The following KCNH8 variants were observed in gnomAD, a reference collection of about 807,000 sequenced individuals.
The protein encoded by KCNH8 is potassium voltage-gated channel subfamily H member 8.
KCNH8 carries 70 observed loss-of-function variants against 103.6 expected under a neutral mutation model. The ratio of observed to expected loss-of-function variants is 0.68; its 90% confidence interval spans 0.56 to 0.82. The LOEUF (loss-of-function observed/expected upper bound fraction) is 0.82, where lower values mean the gene tolerates loss of function less well. Ranked by LOEUF, KCNH8 falls within the 40% of genes least tolerant of loss-of-function variation. KCNH8 has a pLI of 0.00. For synonymous variants in KCNH8, 498 were observed against 489.4 expected, an observed-to-expected ratio of 1.02 and a Z score of -0.23; for missense variants, 1,217 against 1,329.9, an observed-to-expected ratio of 0.92 and a Z score of 1.32.
chr3:19,348,655 G>T (rs1310535331), intron 5 of KCNH8, among the ~76,000 whole-genome samples: 1 of 151,978 alleles, frequency 6.6e-6, no homozygotes, highest in Non-Finnish European at 1.5e-5. Flanking sequence ...CAGATTCCGG[G>T]TCTGTAAGTC....
chr3:19,375,378 T>G (rs1344786924), intron 5 of KCNH8, among the ~76,000 whole-genome samples: 1 of 151,056 alleles, frequency 6.6e-6, no homozygotes, highest in Non-Finnish European at 1.5e-5. Context: ...GCTGATACCC[T>G]TTCTTCCAGT....
intron 1 of KCNH8, among the ~76,000 whole-genome samples, chr3:19,185,192 T>C (rs1454776039): frequency 6.6e-6 from 1 of 151,938 alleles, no homozygotes; most frequent in East Asian, 1.9e-4. Flanking sequence ...TTTAACTTTC[T>C]AAAGTCCTGC....
At chr3:19,288,508 GC>G (rs2064869770) in intron 3 of KCNH8, among the ~76,000 whole-genome samples, 2 of 151,786 alleles carry the variant, frequency 1.3e-5, no homozygotes, top group East Asian at 3.9e-4. Context: ...GTGATAGTTG[GC>G]TGAGAATGAT....
At chr3:19,232,431 C>A (rs949017486) in intron 1 of KCNH8, among the ~76,000 whole-genome samples, 14 of 152,162 alleles carry the variant, frequency 9.2e-5, no homozygotes, top group Non-Finnish European at 4.4e-5. Context: ...TTTCTATTTG[C>A]ACGTGTTATG....
intron 5 of KCNH8, among the ~76,000 whole-genome samples, chr3:19,357,633 A>G (rs1242967202): frequency 1.3e-5 from 2 of 151,908 alleles, no homozygotes; most frequent in East Asian, 1.9e-4. Flanking sequence ...CATTCTTACT[A>G]TCTACTATTA....
At chr3:19,511,568 G>T (rs139693951) in intron 12 of KCNH8, among the ~76,000 whole-genome samples, 1 of 152,022 alleles carries the variant, frequency 6.6e-6, no homozygotes, top group East Asian at 1.9e-4. Flanking sequence ...TCTATCCAAC[G>T]ATGCTAGTAT....
chr3:19,232,469 A>G (rs1439641257), intron 1 of KCNH8, among the ~76,000 whole-genome samples: 1 of 152,240 alleles, frequency 6.6e-6, no homozygotes, highest in Admixed American at 6.5e-5. Context: ...TTTCTTACCT[A>G]GCTAATCTTA....
At chr3:19,331,448 C>A (rs1204977754) in intron 3 of KCNH8, among the ~76,000 whole-genome samples, 1 of 151,844 alleles carries the variant, frequency 6.6e-6, no homozygotes, top group Non-Finnish European at 1.5e-5. Flanking sequence ...TGTGTCACCA[C>A]GCCTGGCTAA....
chr3:19,322,426 G>T (rs903166968), intron 3 of KCNH8, among the ~76,000 whole-genome samples: 5 of 152,084 alleles, frequency 3.3e-5, no homozygotes, highest in African/African-American at 1.2e-4. Context: ...GTCTGGAAAA[G>T]ACTTTATCTT....
intron 5 of KCNH8, among the ~76,000 whole-genome samples, chr3:19,366,888 A>G (rs1310328264): frequency 3.9e-5 from 6 of 152,114 alleles, no homozygotes; most frequent in African/African-American, 9.6e-5. Context: ...TTTTTAGATG[A>G]CAGAAAACAT....
intron 5 of KCNH8, among the ~76,000 whole-genome samples, chr3:19,375,077 A>G (rs1476531067): frequency 6.6e-6 from 1 of 150,978 alleles, no homozygotes; most frequent in Non-Finnish European, 1.5e-5. Context: ...TCTGACAATT[A>G]TGTGTCTTGG....
At chr3:19,513,465 C>A in intron 13 of KCNH8, 140 bp downstream of exon 13, 1 of 1,212,736 alleles carries the variant, frequency 8.2e-7, no homozygotes, top group Non-Finnish European at 1.1e-6. Flanking sequence ...GTTTTGTGGG[C>A]AATTTTTTGA....
chr3:19,268,117 A>G (rs1004786295), intron 2 of KCNH8, among the ~76,000 whole-genome samples: 4 of 152,248 alleles, frequency 2.6e-5, no homozygotes, highest in African/African-American at 9.6e-5. Context: ...ACGTAAGAAT[A>G]CAAGAAAAGG....
chr3:19,152,288 A>T (rs901664639), intron 1 of KCNH8, among the ~76,000 whole-genome samples: 1 of 152,220 alleles, frequency 6.6e-6, no homozygotes, highest in East Asian at 1.9e-4. Context: ...ATACCAATGT[A>T]TTTATATTTG....
At chr3:19,240,293 A>C (rs1161809520) in intron 1 of KCNH8, among the ~76,000 whole-genome samples, 1 of 152,002 alleles carries the variant, frequency 6.6e-6, no homozygotes. Flanking sequence ...CCAAATTTCT[A>C]TCTAAGCATA....
chr3:19,222,202 A>G (rs1053066881), intron 1 of KCNH8, among the ~76,000 whole-genome samples: 1 of 152,194 alleles, frequency 6.6e-6, no homozygotes, highest in Non-Finnish European at 1.5e-5. Flanking sequence ...GTAGATTTTC[A>G]TAGCTCAAAA....
At chr3:19,471,898 T>A (rs879433486) in intron 11 of KCNH8, among the ~76,000 whole-genome samples, 22 of 152,202 alleles carry the variant, frequency 1.4e-4, no homozygotes, top group Non-Finnish European at 2.9e-4. Context: ...GAGAATCAGC[T>A]TCATGAGCCA....
At chr3:19,297,117 A>G (rs1404063135) in intron 3 of KCNH8, among the ~76,000 whole-genome samples, 2 of 152,182 alleles carry the variant, frequency 1.3e-5, no homozygotes, top group Non-Finnish European at 2.9e-5. Context: ...GTTCAGAGTA[A>G]TGCGAGCATT....
At chr3:19,190,540 G>A (rs981110576) in intron 1 of KCNH8, among the ~76,000 whole-genome samples, 1 of 151,902 alleles carries the variant, frequency 6.6e-6, no homozygotes, top group African/African-American at 2.4e-5. Flanking sequence ...TATAAACCTG[G>A]CTGCTTTGAC....
Sources: gnomAD v4.1 joint callset for allele counts (sites outside exome capture counted in the v4.1 genomes callset) on GRCh38, gnomAD v4.1.1 for gene constraint, MANE v1.5 for transcripts, NCBI Gene and HGNC (gene_info 2026-07-23, HGNC 2026-07-21) for gene names.